Variants in COL1A2 observed in about 807,000 individuals in gnomAD.
COL1A2 encodes collagen type I alpha 2 chain, also known as collagen alpha-2(I) chain.
COL1A2 carries 49 observed loss-of-function variants against 174.3 expected under a neutral mutation model. That is an observed-to-expected ratio of 0.28 (90% CI 0.22 to 0.36). The LOEUF (loss-of-function observed/expected upper bound fraction) is 0.36, where lower values mean the gene tolerates loss of function less well. Ranked by LOEUF, COL1A2 falls within the 10% of genes least tolerant of loss-of-function variation. COL1A2 has a pLI of 1.00. For synonymous variants in COL1A2, 655 were observed against 606.6 expected (o/e 1.08, Z -1.17); for missense variants, 1,438 against 1,822.7 (o/e 0.79, Z 3.84).
chr7:94,403,207 T>A (rs1363157128), intron 6 of COL1A2, among the ~76,000 whole-genome samples: 1 of 152,196 alleles, frequency 6.6e-6, no homozygotes, highest in Non-Finnish European at 1.5e-5. Flanking sequence ...TCGGAACATC[T>A]GTCTTGGCAT....
At position 94,398,974 on chromosome 7, in the gene COL1A2, C is replaced by T. The variant is rs537872268; in HGVS notation, c.97-75C>T. 210 of 1,411,952 alleles carry T rather than the reference C, an allele frequency of 1.5e-4. 2 individuals are homozygous for T. In the South Asian group the frequency reaches 2.3e-3, roughly 16 times the overall value. 87.5% of individuals were successfully genotyped at this position (1,411,952 alleles called of 1,614,324 possible). A position where few individuals can be genotyped will look rare whatever the true frequency, so the allele number is the denominator to read the frequency against. ...ATCAGTCTTACCAACTAATTATTAT[C>T]AAGAATGATTTGTTTGTTCACTGGA... On this transcript the variant is annotated intron_variant, in intron 3 of 51. Transcript: ENST00000297268.
intron 9 of COL1A2, 130 bp downstream of exon 9, chr7:94,405,022 A>G (rs1161321759): frequency 6.9e-6 from 8 of 1,163,470 alleles, no homozygotes. Flanking sequence ...ATGTATGGGA[A>G]ATATTATTTT....
rs188054421 is a variant in COL1A2, at chr7:94,401,834, A to T, written c.279+214A>T. Among the ~76,000 whole-genome samples, 382 of 152,250 alleles carry T rather than the reference A, an allele frequency of 2.5e-3. 3 individuals are homozygous for T. Among genetic ancestry groups the T allele is most frequent in the African/African-American group, 8.7e-3 (363 of 41,564 alleles). ...AAAGATTAATTGATCTTTTATGATT[A>T]TATGATCTTTTTGATTATATGATCC... On this transcript the variant is annotated intron_variant, in intron 6 of 51. Transcript: ENST00000297268.
At chr7:94,428,907 T>A (rs1419519273) in intron 50 of COL1A2, among the ~76,000 whole-genome samples, 2 of 152,164 alleles carry the variant, frequency 1.3e-5, no homozygotes, top group Non-Finnish European at 2.9e-5. Flanking sequence ...ACCTCCTCAT[T>A]CTCTTATTCT....
At chr7:94,426,577 T>G in intron 46 of COL1A2, 47 bp downstream of exon 46, 1 of 1,398,094 alleles carries the variant, frequency 7.2e-7, no homozygotes, top group South Asian at 1.2e-5. Context: ...CCTGAAGGCC[T>G]TCAGCTCAGA....
At chr7:94,405,140 C>A in intron 9 of COL1A2, 59 bp from the exon 10 acceptor site, 1 of 1,561,040 alleles carries the variant, frequency 6.4e-7, no homozygotes, top group South Asian at 1.1e-5. Flanking sequence ...CCAAGATTCC[C>A]CCATTTTGTC....
intron 40 of COL1A2, chr7:94,423,990 T>A (rs1420726802): frequency 3.4e-6 from 1 of 294,596 alleles, no homozygotes; most frequent in Admixed American, 4.6e-5. Flanking sequence ...TCCTACTATG[T>A]ACAACTATTA....
chr7:94,424,819 C>T (rs1792240540), intron 41 of COL1A2: 1 of 479,930 alleles, frequency 2.1e-6, no homozygotes, highest in African/African-American at 2.0e-5. Context: ...AACTAGAAAC[C>T]ATCTCATCTC....
At position 94,420,580 on chromosome 7, in the gene COL1A2, G is replaced by A. The variant is rs760179425; in HGVS notation, c.2227G>A (p.Ala743Thr). 2 of 1,613,564 alleles carry A rather than the reference G, an allele frequency of 1.2e-6. No homozygotes were observed. The highest frequency in any genetic ancestry group is 1.7e-6 in the Non-Finnish European group (2 of 1,179,872). ...ACCTGGTGCTAAAGGAGAAAGAGGA[G>A]CCAAAGGGCCTAAGGGTGAAAACGG... is the stretch of plus-strand genomic sequence containing the variant. ...GQPGAKGERG[A>T]KGPKGENGVV... Residue 743 changes from alanine (A) to threonine (T), a missense_variant, in exon 37 of 52, where the codon GCC (alanine) becomes ACC (threonine). Physicochemically the swap from Ala to Thr is moderately conservative, Grantham distance 58. Around this residue, in one of 3 missense-constraint regions of COL1A2, gnomAD observed 867 missense variants for 1,213.7 expected, o/e 0.71. Transcript: ENST00000297268.
intron 30 of COL1A2, among the ~76,000 whole-genome samples, chr7:94,416,164 C>G (rs1490638815): frequency 6.6e-6 from 1 of 152,146 alleles, no homozygotes; most frequent in African/African-American, 2.4e-5. Flanking sequence ...GAATATTATA[C>G]TCTAGAAGCA....
intron 49 of COL1A2, 103 bp from the exon 50 acceptor site, chr7:94,428,190 A>T (rs887923273): frequency 1.8e-6 from 2 of 1,098,916 alleles, no homozygotes; most frequent in Non-Finnish European, 2.8e-6. Context: ...GTAGACAATC[A>T]AAAATGTTAC....
intron 23 of COL1A2, 92 bp downstream of exon 23, chr7:94,411,246 C>A: frequency 1.9e-6 from 2 of 1,052,480 alleles, no homozygotes; most frequent in Non-Finnish European, 2.9e-6. Flanking sequence ...ATAAAAACAT[C>A]AAAAGTAAAT....
intron 6 of COL1A2, 123 bp from the exon 7 acceptor site, chr7:94,404,433 G>T (rs899797157): frequency 2.0e-6 from 2 of 1,018,556 alleles, no homozygotes; most frequent in Non-Finnish European, 3.1e-6. Context: ...TCTTCCTTGG[G>T]AGGAATAAAA....
chr7:94,407,700 T>A, intron 12 of COL1A2, 147 bp from the exon 13 acceptor site: 1 of 676,440 alleles, frequency 1.5e-6, no homozygotes, highest in South Asian at 1.9e-5. Flanking sequence ...TCTGTGTGTC[T>A]GGCATAATTG....
In COL1A2 at chr7:94,410,837, TCAA is replaced by T; in HGVS notation, c.1198-51_1198-49del. On this transcript the variant is annotated intron_variant, in intron 21 of 51. Coordinates refer to ENST00000297268, the MANE Select transcript of COL1A2 (RefSeq NM_000089.4). Reference sequence around the variant, plus strand: ...GCTATTTTTTACAAACTCTACCTTATCAAAGCCAAGAGATTTCTTTAATTCTCT... The same window carrying T: ...GCTATTTTTTACAAACTCTACCTTATAGCCAAGAGATTTCTTTAATTCTCT... 1.9e-6 allele frequency: 3 copies of T among 1,589,700 alleles called. No individual in the cohort carries two copies. The South Asian group carries it at 3.3e-5, about 18-fold the overall frequency.
intron 15 of COL1A2, 145 bp downstream of exon 15, chr7:94,408,525 A>G (rs1791852769): frequency 9.0e-7 from 1 of 1,105,032 alleles, no homozygotes; most frequent in African/African-American, 1.6e-5. Context: ...ATTTATAAGT[A>G]GTGTAAGCCA....
At chr7:94,417,179 G>A (rs1792059610) in intron 31 of COL1A2, among the ~76,000 whole-genome samples, 1 of 152,108 alleles carries the variant, frequency 6.6e-6, no homozygotes, top group African/African-American at 2.4e-5. Context: ...AGGGAGAGAG[G>A]AAATAAAGAA....
At chr7:94,418,733 A>C (rs1792094127) in intron 33 of COL1A2, among the ~76,000 whole-genome samples, 181 bp downstream of exon 33, 1 of 152,176 alleles carries the variant, frequency 6.6e-6, no homozygotes, top group Non-Finnish European at 1.5e-5. Flanking sequence ...AGGAAAAATT[A>C]AATGGGATTT....
chr7:94,428,592 T>C, intron 50 of COL1A2, 115 bp downstream of exon 50: 2 of 1,013,328 alleles, frequency 2.0e-6, no homozygotes, highest in Non-Finnish European at 3.0e-6. Flanking sequence ...AAAAGACCTG[T>C]TCCTTTCCTG....
Sources: gnomAD v4.1 joint callset for allele counts (sites outside exome capture counted in the v4.1 genomes callset) on GRCh38, gnomAD v4.1.1 for gene constraint, gnomAD v4.1.1 regional missense constraint, MANE v1.5 for transcripts, NCBI Gene and HGNC (gene_info 2026-07-23, HGNC 2026-07-21) for gene names.